Variants in ZNF236 observed in about 807,000 individuals in gnomAD.
ZNF236 encodes regulated by glucose.
In ZNF236, 50 loss-of-function variants were observed where a neutral mutation model predicts 191.2. The ratio of observed to expected loss-of-function variants is 0.26; its 90% CI spans 0.21 to 0.33. ZNF236 has a LOEUF of 0.33. ZNF236 is among the 10% of genes least tolerant of loss of function. The pLI is 1.00. For synonymous variants in ZNF236, 907 were observed against 928.8 expected, an observed-to-expected ratio of 0.98 and a Z score of 0.43; for missense variants, 1,754 against 2,374.5, an observed-to-expected ratio of 0.74 and a Z score of 5.43.
chr18:76,875,780 T>G lies in ZNF236; in HGVS notation c.840+116T>G. 8.7e-7 allele frequency: 1 copy of G among 1,154,356 alleles called. No homozygotes were observed. Among genetic ancestry groups the G allele is most frequent in the African/African-American group, 1.6e-5 (1 of 63,432 alleles). 71.5% of individuals were successfully genotyped at this position (1,154,356 alleles called of 1,614,324 possible). On this transcript the variant is annotated intron_variant, in intron 6 of 30. Coordinates refer to ENST00000320610, the MANE Select transcript of ZNF236 (RefSeq NM_001306089.2). This position sits in a 1 kb window ranked among gnomAD's most constrained non-coding sequence, Gnocchi z 4.3. ...TTTAAAAAAATGCAGATTGATTTTG[T>G]GCCGAGCAGACCCTGTTTTAAAAAA...
chr18:76,959,622 C>G lies in ZNF236; in HGVS notation c.5113-65C>G, dbSNP rs868826968. On this transcript the variant is annotated intron_variant, in intron 28 of 30. Coordinates refer to ENST00000320610, the MANE Select transcript of ZNF236 (RefSeq NM_001306089.2). ...CTTGAACTTTGCAGTGATTTGCTTC[C>G]TCTTGTTTCTAGTCTCGAAAGCTGT... The G allele has an allele frequency of 1.3e-5, 20 of 1,534,054 alleles. No homozygotes were observed. In the South Asian group the frequency reaches 2.3e-4, roughly 18 times the overall value.
intron 9 of ZNF236, among the ~76,000 whole-genome samples, chr18:76,892,468 GT>G (rs76696993): frequency 0.33 from 50,211 of 151,436 alleles, 8,796 homozygotes; most frequent in East Asian, 0.52. Context: ...ACCTTTTCCT[GT>G]TTTTAGACCT....
intron 11 of ZNF236, among the ~76,000 whole-genome samples, chr18:76,902,207 A>G (rs1599378861): frequency 6.6e-6 from 1 of 152,136 alleles, no homozygotes; most frequent in African/African-American, 2.4e-5. Context: ...TATTGTAACT[A>G]TGTCTTGTGC....
chr18:76,828,818 C>T (rs538702362), intron 1 of ZNF236, among the ~76,000 whole-genome samples: 1 of 152,226 alleles, frequency 6.6e-6, no homozygotes, highest in Non-Finnish European at 1.5e-5. Context: ...AGGCACATGC[C>T]ACCATGCCCA....
At chr18:76,937,881 A>G (rs1392358598) in intron 26 of ZNF236, among the ~76,000 whole-genome samples, 3 of 152,200 alleles carry the variant, frequency 2.0e-5, no homozygotes, top group African/African-American at 7.2e-5. Flanking sequence ...TCAGACTTTA[A>G]TTAGGAAAAT....
intron 1 of ZNF236, among the ~76,000 whole-genome samples, chr18:76,826,204 C>T (rs151101332): frequency 0.012 from 1,815 of 151,672 alleles, 27 homozygotes; most frequent in African/African-American, 0.039. Flanking sequence ...CTCCGCCTCC[C>T]GGGTTCAAGC....
chr18:76,829,789 G>C (rs992928024), intron 1 of ZNF236, among the ~76,000 whole-genome samples: 1 of 152,260 alleles, frequency 6.6e-6, no homozygotes, highest in African/African-American at 2.4e-5. Context: ...CCAGCATCCA[G>C]TGTGTTCGTG....
chr18:76,855,663 A>G (rs775854546), intron 3 of ZNF236, among the ~76,000 whole-genome samples: 2 of 151,108 alleles, frequency 1.3e-5, no homozygotes, highest in Non-Finnish European at 3.0e-5. Context: ...AGACAAAGCT[A>G]TGGTGATCAA....
intron 20 of ZNF236, among the ~76,000 whole-genome samples, chr18:76,922,555 ATTGTC>A (rs796934718): frequency 6.9e-6 from 1 of 144,150 alleles, no homozygotes; most frequent in Non-Finnish European, 1.5e-5. Context: ...TTTTAAGGAA[ATTGTC>A]TTTTTTTTTT....
intron 28 of ZNF236, among the ~76,000 whole-genome samples, chr18:76,957,265 T>C (rs1432698943): frequency 6.6e-6 from 1 of 152,222 alleles, no homozygotes; most frequent in Non-Finnish European, 1.5e-5. Context: ...ACTGGAATCC[T>C]TGGATCCCTG....
chr18:76,840,880 GC>G (rs1306500811), intron 1 of ZNF236: 1 of 148,900 alleles, frequency 6.7e-6, no homozygotes, highest in Non-Finnish European at 1.5e-5. Context: ...GAGTGCAGTG[GC>G]GTGATCTCGG....
In ZNF236 at chr18:76,960,785, C is replaced by T. The variant is rs72987221; in HGVS notation, c.5349C>T (p.Ala1783=). 0.044 allele frequency: 71,797 copies of T among 1,614,088 alleles called. 2,088 individuals are homozygous for T. The highest frequency in any genetic ancestry group is 0.11 in the South Asian group (10,261 of 91,060). Residue 1783 remains alanine (A), a synonymous_variant, in exon 30 of 31, where the codon GCC becomes GCT. Transcript: ENST00000320610. This position sits in a 1 kb window ranked among gnomAD's most constrained non-coding sequence, Gnocchi z 4.4. ...KHTGERPYKC[A]YCVMGFTQKS... ...CGGGGGAGCGGCCCTACAAGTGTGC[C>T]TACTGCGTCATGGGCTTCACGCAGA...
intron 26 of ZNF236, among the ~76,000 whole-genome samples, chr18:76,941,605 C>T (rs1968134863): frequency 6.6e-6 from 1 of 152,212 alleles, no homozygotes; most frequent in South Asian, 2.1e-4. Context: ...TCCACTCTGG[C>T]CTGCGGACAT....
rs933375923 is a variant in ZNF236 at position 76,971,922 on chromosome 18, C to T, written c.*3583C>T. ...CTGAAGCTTATTTCAGAATTAATAC[C>T]GTGCCCTTCCCTGACTAAAAAAAGT... On this transcript the variant is annotated 3_prime_UTR_variant, in exon 31 of 31. Transcript: ENST00000320610. 2.0e-5 allele frequency among the ~76,000 whole-genome samples: 3 copies of T among 152,132 alleles called. No individual in the cohort carries two copies. Among genetic ancestry groups the T allele is most frequent in the East Asian group, 1.9e-4 (1 of 5,202 alleles).
At chr18:76,877,929 A>G in intron 6 of ZNF236, 80 bp from the exon 7 acceptor site, 8 of 1,159,726 alleles carry the variant, frequency 6.9e-6, no homozygotes, top group Non-Finnish European at 8.3e-6. Context: ...GGAATGGTAA[A>G]TTATGATTTG....
intron 20 of ZNF236, 95 bp from the exon 21 acceptor site, chr18:76,922,976 G>T: frequency 1.1e-6 from 1 of 922,542 alleles, no homozygotes; most frequent in South Asian, 1.5e-5. Context: ...AACTTAAGCA[G>T]AACGTAGTAA....
At chr18:76,959,911 A>G (rs1031811965) in intron 29 of ZNF236, 95 bp downstream of exon 29, 16 of 1,398,164 alleles carry the variant, frequency 1.1e-5, no homozygotes, top group Non-Finnish European at 1.4e-5. Context: ...TTCACGAGCG[A>G]TGGAATGCTT....
chr18:76,861,427 C>T (rs1008038019), intron 3 of ZNF236, among the ~76,000 whole-genome samples: 1 of 152,144 alleles, frequency 6.6e-6, no homozygotes, highest in Non-Finnish European at 1.5e-5. Context: ...AGAACGTAGT[C>T]ATCAGGCCAG....
chr18:76,895,018 A>C lies in ZNF236; in HGVS notation c.1423A>C (p.Ile475Leu). ...CGTGTCCTCTCCCTTCACAGGCTCC[A>C]TCCGCGAGGAGAACGGCGTGCGCTG... is the stretch of plus-strand genomic sequence containing the variant. ...KKKSPFLPGS[I>L]REENGVRWHV... Residue 475 changes from isoleucine (I) to leucine (L), a missense_variant, in exon 10 of 31, where the codon ATC (isoleucine) becomes CTC (leucine). By Grantham distance (5) the Ile-to-Leu change is conservative. This residue lies in a region of ZNF236 where 126 missense variants were observed against 110.9 expected (regional missense o/e 1.14). Transcript: ENST00000320610. 6.2e-7 allele frequency: 1 copy of C among 1,608,848 alleles called. No homozygotes were observed. The highest frequency in any genetic ancestry group is 8.5e-7 in the Non-Finnish European group (1 of 1,179,924).
Sources: gnomAD v4.1 joint callset for allele counts (sites outside exome capture counted in the v4.1 genomes callset) on GRCh38, gnomAD v4.1.1 for gene constraint, gnomAD v4.1.1 regional missense constraint, Gnocchi (gnomAD v3.1) non-coding constraint, MANE v1.5 for transcripts, NCBI Gene and HGNC (gene_info 2026-07-23, HGNC 2026-07-21) for gene names.